The following RAPGEF6 variants were observed in gnomAD, a reference collection of about 807,000 sequenced individuals.
RAPGEF6 encodes the protein PDZ domain containing guanine nucleotide exchange factor (GEF) 2.
A neutral mutation model predicts 171.4 loss-of-function variants in RAPGEF6; 56 were observed. That is an observed-to-expected ratio of 0.33 (90% CI 0.26 to 0.41). RAPGEF6 has a LOEUF of 0.41. RAPGEF6 is among the 10% of genes least tolerant of loss of function. The probability of loss-of-function intolerance (pLI) is 1.00; values close to 1 mark genes in which losing one functional copy is unlikely to be tolerated. For missense variants in RAPGEF6, 1,674 were observed against 1,921.4 expected, an observed-to-expected ratio of 0.87 and a Z score of 2.41; for synonymous variants, 692 against 650.1, an observed-to-expected ratio of 1.06 and a Z score of -0.98.
At chr5:131,559,471 A>G (rs1404642458) in intron 5 of RAPGEF6, among the ~76,000 whole-genome samples, 2 of 152,168 alleles carry the variant, frequency 1.3e-5, no homozygotes, top group East Asian at 1.9e-4. Context: ...ACCTTGATAC[A>G]ATTAACCTTT....
At chr5:131,440,435 T>C (rs932856817) in intron 23 of RAPGEF6, among the ~76,000 whole-genome samples, 1 of 152,036 alleles carries the variant, frequency 6.6e-6, no homozygotes, top group Non-Finnish European at 1.5e-5. Flanking sequence ...ATAGACACTG[T>C]TCTTAAAACA....
intron 21 of RAPGEF6, chr5:131,450,107 A>C: frequency 6.8e-7 from 1 of 1,466,836 alleles, no homozygotes; most frequent in Non-Finnish European, 9.2e-7. Context: ...CAGAAAAAAG[A>C]CAACAGTTGA....
intron 5 of RAPGEF6, among the ~76,000 whole-genome samples, chr5:131,552,042 G>A (rs1433303095): frequency 1.3e-5 from 2 of 152,022 alleles, no homozygotes; most frequent in African/African-American, 2.4e-5. Context: ...AACCAATAAA[G>A]TCCTTGATCT....
chr5:131,480,878 C>T lies in RAPGEF6; in HGVS notation c.1841-1125G>A, dbSNP rs560973104. ...AAAGCTGCTAAAAAAATATCCACTT[C>T]AGTGGTCTGAAGTAAAAACAAGTAA... is the stretch of plus-strand genomic sequence containing the variant. On this transcript the variant is annotated intron_variant, in intron 15 of 27. Transcript: ENST00000509018. Among the ~76,000 whole-genome samples the T allele has an allele frequency of 5.3e-4, 81 of 151,672 alleles. 1 individual carries two copies. The highest frequency in any genetic ancestry group is 1.8e-3 in the African/African-American group (76 of 41,360).
At chr5:131,491,823 C>T (rs1223231447) in intron 14 of RAPGEF6, among the ~76,000 whole-genome samples, 1 of 152,178 alleles carries the variant, frequency 6.6e-6, no homozygotes, top group Admixed American at 6.5e-5. Flanking sequence ...CGTGGAAAAA[C>T]TGTCTTCCAT....
intron 1 of RAPGEF6, among the ~76,000 whole-genome samples, chr5:131,629,439 C>A (rs535655287): frequency 6.6e-6 from 1 of 151,982 alleles, no homozygotes; most frequent in Non-Finnish European, 1.5e-5. Context: ...GTGAAGGAAG[C>A]AACTGCATGT....
chr5:131,462,061 T>G lies in RAPGEF6; in HGVS notation c.2508A>C (p.Thr836=). 1 of 1,559,028 alleles carries G rather than the reference T, an allele frequency of 6.4e-7. No individual in the cohort carries two copies. Among genetic ancestry groups the G allele is most frequent in the South Asian group, 1.2e-5 (1 of 81,278 alleles). The change falls in exon 19 of 28, where the codon ACA becomes ACC. Residue 836 remains threonine, a synonymous_variant. Coordinates refer to ENST00000509018, the MANE Select transcript of RAPGEF6 (RefSeq NM_016340.6). ...CATCTTCATCTGAACATAAGGTTTC[T>G]GTTTCCATGTTATTTTTTAAGTAAT... ...GRYYLKNNME[T]ETLCSDEDAQ...
chr5:131,583,625 T>A (rs1763088370), intron 4 of RAPGEF6, among the ~76,000 whole-genome samples: 1 of 152,196 alleles, frequency 6.6e-6, no homozygotes, highest in African/African-American at 2.4e-5. Flanking sequence ...CTGAACTAAT[T>A]GTATCCCTTC....
At chr5:131,549,411 G>A (rs1760767032) in intron 5 of RAPGEF6, among the ~76,000 whole-genome samples, 1 of 152,148 alleles carries the variant, frequency 6.6e-6, no homozygotes, top group Non-Finnish European at 1.5e-5. Flanking sequence ...ATCCCCACTA[G>A]ATGCCTGAAA....
chr5:131,476,517 T>G (rs1054948828), intron 16 of RAPGEF6, among the ~76,000 whole-genome samples: 1 of 152,154 alleles, frequency 6.6e-6, no homozygotes. Context: ...TGCAGTGCAG[T>G]GGCACGAGCT....
chr5:131,508,288 C>A, intron 8 of RAPGEF6, 81 bp from the exon 9 acceptor site: 1 of 1,295,100 alleles, frequency 7.7e-7, no homozygotes, highest in Non-Finnish European at 1.0e-6. Flanking sequence ...AATTCAATTC[C>A]CAATTTCACA....
In RAPGEF6 at chr5:131,464,130, T is replaced by G. The variant is rs766536241; in HGVS notation, c.2391A>C (p.Glu797Asp). ...TGASDTYSLC[E>D]VSVTPEGVIK... ...TGACACCCTCAGGAGTAACAGAAAC[T>G]TCACAGAGAGAATATGTGTCGGATG... is the stretch of plus-strand genomic sequence containing the variant. The change falls in exon 18 of 28, where the codon GAA becomes GAC. Residue 797 changes from glutamate to aspartate, a missense_variant. Physicochemically the swap from Glu to Asp is conservative, Grantham distance 45 (BLOSUM62 2). This residue lies in a region of RAPGEF6 where 1,116 missense variants were observed against 1,321.5 expected (regional missense o/e 0.84). Coordinates refer to ENST00000509018, the MANE Select transcript of RAPGEF6 (RefSeq NM_016340.6). 6.2e-7 allele frequency: 1 copy of G among 1,613,926 alleles called. No homozygotes were observed. The highest frequency in any genetic ancestry group is 1.3e-5 in the African/African-American group (1 of 75,010).
rs777835668 is a variant in RAPGEF6, at chr5:131,431,206, T to C, written c.4118A>G (p.His1373Arg). 10 of 1,614,118 alleles carry C rather than the reference T, an allele frequency of 6.2e-6. No individual in the cohort carries two copies. The South Asian group carries it at 9.9e-5, about 16-fold the overall frequency. ...GSWTSCSSSS[H>R]DNFQSLPNPK... is the part of the protein sequence containing the mutation. ...GTTTGGAAGGCTTTGGAAGTTGTCA[T>C]GGGAGCTGCTTGAACACGAAGTCCA... is the stretch of plus-strand genomic sequence containing the variant. The change falls in exon 26 of 28, where the codon CAT (histidine) becomes CGT (arginine). Residue 1373 changes from histidine (H) to arginine (R), a missense_variant. His to Arg is a conservative substitution (Grantham distance 29). Transcript: ENST00000509018.
At chr5:131,619,832 G>T (rs750292058) in intron 1 of RAPGEF6, among the ~76,000 whole-genome samples, 5 of 152,174 alleles carry the variant, frequency 3.3e-5, no homozygotes, top group Non-Finnish European at 7.3e-5. Flanking sequence ...TATAAGCACA[G>T]ACTATGAAAT....
intron 15 of RAPGEF6, among the ~76,000 whole-genome samples, chr5:131,485,398 A>G (rs1181034708): frequency 1.3e-5 from 2 of 152,208 alleles, no homozygotes; most frequent in Non-Finnish European, 2.9e-5. Context: ...TCGAGGAGAG[A>G]GAGAACTTTA....
intron 12 of RAPGEF6, 146 bp from the exon 13 acceptor site, chr5:131,495,806 A>T (rs1475685338): frequency 1.6e-6 from 2 of 1,264,250 alleles, no homozygotes; most frequent in Non-Finnish European, 2.1e-6. Context: ...TCTAACAGAA[A>T]GGCATGGTTT....
intron 21 of RAPGEF6, among the ~76,000 whole-genome samples, chr5:131,448,804 C>A (rs757119969): frequency 1.3e-5 from 2 of 152,108 alleles, no homozygotes; most frequent in Non-Finnish European, 2.9e-5. Context: ...TTCAAACACA[C>A]CCAATGCCCA....
At chr5:131,447,862 A>G (rs780667079) in intron 21 of RAPGEF6, among the ~76,000 whole-genome samples, 2 of 152,176 alleles carry the variant, frequency 1.3e-5, no homozygotes, top group Non-Finnish European at 2.9e-5. Flanking sequence ...GCAACTTTCA[A>G]TTGCTATTGG....
intron 6 of RAPGEF6, among the ~76,000 whole-genome samples, chr5:131,522,460 T>G (rs765218722): frequency 2.6e-5 from 4 of 152,166 alleles, no homozygotes; most frequent in Non-Finnish European, 4.4e-5. Context: ...TGAAAAACAT[T>G]AAAGAAACAC....
Sources: allele counts gnomAD v4.1 joint callset (sites outside exome capture counted in the v4.1 genomes callset), GRCh38; gene constraint gnomAD v4.1.1; regional missense constraint gnomAD v4.1.1; transcripts MANE v1.5; gene names NCBI Gene and HGNC (gene_info 2026-07-23, HGNC 2026-07-21).